L2HGDH: variants seen among roughly 807,000 people sequenced by gnomAD.
L2HGDH encodes the protein L-2-hydroxyglutarate dehydrogenase.
L2HGDH carries 34 observed loss-of-function variants against 51.5 expected under a neutral mutation model. The ratio of observed to expected loss-of-function variants is 0.66; its 90% CI spans 0.50 to 0.88. The LOEUF is 0.88. Ranked by LOEUF, L2HGDH falls within the 40% of genes least tolerant of loss-of-function variation. The pLI, the probability that L2HGDH is intolerant of heterozygous loss-of-function variation, is 0.00. For synonymous variants in L2HGDH, 198 were observed against 197.9 expected (o/e 1.00, Z -0.01); for missense variants, 558 against 571.9 (o/e 0.98, Z 0.25).
intron 4 of L2HGDH, among the ~76,000 whole-genome samples, chr14:50,285,203 T>C (rs766474922): frequency 6.6e-6 from 1 of 152,178 alleles, no homozygotes; most frequent in African/African-American, 2.4e-5. Flanking sequence ...GCCGAGATGA[T>C]GCCACTGCGC....
chr14:50,311,169 T>G, intron 1 of L2HGDH: 1 of 354,610 alleles, frequency 2.8e-6, no homozygotes, highest in South Asian at 2.2e-5. Flanking sequence ...CTCCAACTTC[T>G]GACCTCAGGC....
At chr14:50,290,607 A>G (rs1480643668) in intron 4 of L2HGDH, among the ~76,000 whole-genome samples, 1 of 152,200 alleles carries the variant, frequency 6.6e-6, no homozygotes, top group African/African-American at 2.4e-5. Context: ...CAGACAATAC[A>G]TAACTGAATA....
At chr14:50,282,634 C>T in intron 5 of L2HGDH, 1 of 391,992 alleles carries the variant, frequency 2.6e-6, no homozygotes, top group Non-Finnish European at 5.1e-6. Context: ...GTTTCTTACT[C>T]TCTCTGTGCC....
intron 4 of L2HGDH, among the ~76,000 whole-genome samples, chr14:50,293,793 C>A (rs1053667051): frequency 6.6e-6 from 1 of 152,198 alleles, no homozygotes; most frequent in African/African-American, 2.4e-5. Context: ...CCTAACCCTG[C>A]CTTTTCAGTC....
At position 50,273,353 on chromosome 14, in the gene L2HGDH, G is replaced by C. The variant is rs1595096678; in HGVS notation, c.739-4023C>G. Among the ~76,000 whole-genome samples, 5 of 152,170 alleles carry C rather than the reference G, an allele frequency of 3.3e-5. No homozygotes were observed. The South Asian group carries it at 1.0e-3, about 31-fold the overall frequency. On this transcript the variant is annotated intron_variant, in intron 6 of 9. Coordinates refer to ENST00000267436, the MANE Select transcript of L2HGDH (RefSeq NM_024884.3). ...ACGGCATCATGAACTACATGATTAGGTGTAAAGATAGTCTCCATAAATGGT... is the reference window on the plus strand; with the variant it reads ...ACGGCATCATGAACTACATGATTAGCTGTAAAGATAGTCTCCATAAATGGT...
intron 6 of L2HGDH, among the ~76,000 whole-genome samples, chr14:50,275,909 G>A (rs575750076): frequency 8.5e-5 from 13 of 152,248 alleles, no homozygotes; most frequent in African/African-American, 3.1e-4. Flanking sequence ...GTTCCCAAGG[G>A]AGAAGTACTT....
chr14:50,265,731 T>C (rs1273156261), intron 8 of L2HGDH, among the ~76,000 whole-genome samples: 1 of 152,162 alleles, frequency 6.6e-6, no homozygotes, highest in East Asian at 1.9e-4. Flanking sequence ...CTGGCCAACA[T>C]GGCAAAACAC....
chr14:50,302,146 G>A lies in L2HGDH; in HGVS notation c.279C>T (p.Asn93=). The A allele has an allele frequency of 6.2e-7, 1 of 1,614,086 alleles. No individual in the cohort carries two copies. Among genetic ancestry groups the A allele is most frequent in the Non-Finnish European group, 8.5e-7 (1 of 1,179,974 alleles). The change falls in exon 3 of 10, where the codon AAC becomes AAT. Residue 93 remains asparagine, a synonymous_variant. Transcript: ENST00000267436. Reference sequence around the variant, plus strand: ...AAATTCCACTATGTATGACACCACTGTTATGTCCAGTCTGGTGAACAGCTA... The same window carrying A: ...AAATTCCACTATGTATGACACCACTATTATGTCCAGTCTGGTGAACAGCTA... ...KDLAVHQTGH[N]SGVIHSGIYY...
intron 1 of L2HGDH, among the ~76,000 whole-genome samples, chr14:50,310,179 T>G (rs79988677): frequency 0.018 from 2,782 of 152,266 alleles, 82 homozygotes; most frequent in African/African-American, 0.063. Context: ...ATAAGATGTT[T>G]TCATTGGGGT....
In L2HGDH at chr14:50,244,480, A is replaced by C. The variant is rs1198463048; in HGVS notation, c.*2578T>G. The C allele has an allele frequency of 1.0e-6, 1 of 985,310 alleles. No homozygotes were observed. The highest frequency in any genetic ancestry group is 1.7e-5 in the African/African-American group (1 of 57,248). The allele number at this position is 985,310 out of a possible 1,614,324, so 61.0% of individuals were successfully genotyped here. On this transcript the variant is annotated 3_prime_UTR_variant, in exon 10 of 10. Transcript: ENST00000267436. ...ACTACTGACAAAATACAGAATGATA[A>C]TATTTTCCATCTCTTAGTAATCTTG...
rs904811366 is a variant in L2HGDH, at chr14:50,252,651, CA to C, written c.1197-5399del. 2.6e-5 allele frequency among the ~76,000 whole-genome samples: 4 copies of C among 151,744 alleles called. 1 individual carries two copies. Among genetic ancestry groups the C allele is most frequent in the African/African-American group, 9.7e-5 (4 of 41,324 alleles). ...CTAGAATAGCTATATTGATATCAGA[CA>C]AAATAGACTGCAAGACAAAAACTGT... On this transcript the variant is annotated intron_variant, in intron 9 of 9. Coordinates refer to ENST00000267436, the MANE Select transcript of L2HGDH (RefSeq NM_024884.3).
intron 9 of L2HGDH, among the ~76,000 whole-genome samples, chr14:50,260,643 T>C (rs1426814559): frequency 6.6e-6 from 1 of 152,198 alleles, no homozygotes; most frequent in East Asian, 1.9e-4. Flanking sequence ...ATTTCAAGGA[T>C]GTTTATCATA....
chr14:50,293,760 G>A (rs1269276756), intron 4 of L2HGDH, among the ~76,000 whole-genome samples: 1 of 152,242 alleles, frequency 6.6e-6, no homozygotes, highest in East Asian at 1.9e-4. Flanking sequence ...TTATTAACAT[G>A]AATGCCAAAC....
chr14:50,247,591 T>C (rs569457963), intron 9 of L2HGDH, among the ~76,000 whole-genome samples: 2 of 152,358 alleles, frequency 1.3e-5, no homozygotes, highest in Admixed American at 6.5e-5. Context: ...TTTAAATTTA[T>C]AGAATGAATT....
chr14:50,280,115 C>T (rs1890185467), intron 5 of L2HGDH, among the ~76,000 whole-genome samples: 1 of 150,026 alleles, frequency 6.7e-6, no homozygotes, highest in Admixed American at 6.6e-5. Context: ...TTTGAAATTA[C>T]TCCTTCGTGA....
At position 50,293,977 on chromosome 14, in the gene L2HGDH, G is replaced by A. The variant is rs866388521; in HGVS notation, c.540+138C>T. 8 of 1,023,364 alleles carry A rather than the reference G, an allele frequency of 7.8e-6. No individual in the cohort carries two copies. The Middle Eastern group carries it at 8.9e-4, about 114-fold the overall frequency. 63.4% of individuals were successfully genotyped at this position (1,023,364 alleles called of 1,614,324 possible). A position where few individuals can be genotyped will look rare whatever the true frequency, so the allele number is the denominator to read the frequency against. On this transcript the variant is annotated intron_variant, in intron 4 of 9. Transcript: ENST00000267436. The stretch of plus-strand genomic sequence containing the variant: ...CCAGAGTTTGTGACAATGCCCTCTT[G>A]TGTCTGTCACTTCACTACTTCTGTG...
chr14:50,306,125 A>T (rs767794980), intron 1 of L2HGDH, among the ~76,000 whole-genome samples: 1 of 149,832 alleles, frequency 6.7e-6, no homozygotes, highest in Non-Finnish European at 1.5e-5. Context: ...ATCTCGGCTC[A>T]CTGCAACCTC....
rs983726159 is a variant in L2HGDH at position 50,245,853 on chromosome 14, G to A, written c.*1205C>T. On this transcript the variant is annotated 3_prime_UTR_variant, in exon 10 of 10. Coordinates refer to ENST00000267436, the MANE Select transcript of L2HGDH (RefSeq NM_024884.3). Reference sequence around the variant, plus strand: ...TCAGGGATTCAGGGCTGAGCATGATGGCTCGCACCTGTAATCCCAGCATTT... The same window carrying A: ...TCAGGGATTCAGGGCTGAGCATGATAGCTCGCACCTGTAATCCCAGCATTT... The A allele has an allele frequency of 1.2e-5, 12 of 978,902 alleles. No homozygotes were observed. The highest frequency in any genetic ancestry group is 4.7e-5 in the South Asian group (1 of 21,206). 60.6% of individuals were successfully genotyped at this position (978,902 alleles called of 1,614,324 possible).
At chr14:50,285,291 T>C (rs1381066695) in intron 4 of L2HGDH, among the ~76,000 whole-genome samples, 1 of 152,204 alleles carries the variant, frequency 6.6e-6, no homozygotes, top group African/African-American at 2.4e-5. Flanking sequence ...ACCAATGTTT[T>C]CTAATGACCA....
Sources: gnomAD v4.1 joint callset for allele counts (sites outside exome capture counted in the v4.1 genomes callset) on GRCh38, gnomAD v4.1.1 for gene constraint, MANE v1.5 for transcripts, NCBI Gene and HGNC (gene_info 2026-07-23, HGNC 2026-07-21) for gene names.